The following LIMK2 variants were observed in gnomAD, a reference collection of about 807,000 sequenced individuals.
LIMK2 encodes the protein LIM domain kinase 2.
LIMK2 carries 35 observed loss-of-function variants against 75.7 expected under a neutral mutation model. The observed-to-expected ratio is 0.46, with a 90% CI of 0.35 to 0.61. The LOEUF (loss-of-function observed/expected upper bound fraction) is 0.61. Ranked by LOEUF, LIMK2 falls within the 20% of genes least tolerant of loss-of-function variation. LIMK2 has a pLI of 0.00. For missense variants in LIMK2, 623 were observed against 831.0 expected (o/e 0.75, Z 3.08); for synonymous variants, 301 against 319.2 (o/e 0.94, Z 0.61).
At chr22:31,223,455 TA>T (rs2048453433) in intron 1 of LIMK2, among the ~76,000 whole-genome samples, 2 of 152,142 alleles carry the variant, frequency 1.3e-5, no homozygotes, top group Admixed American at 1.3e-4. Context: ...AATTTTGGGT[TA>T]AAAAGTAAAA....
intron 1 of LIMK2, among the ~76,000 whole-genome samples, chr22:31,222,200 A>C (rs1433931738): frequency 6.6e-6 from 1 of 151,134 alleles, no homozygotes; most frequent in African/African-American, 2.4e-5. Flanking sequence ...CCTCCTGAGT[A>C]GCTGGGATTA....
intron 3 of LIMK2, chr22:31,258,724 A>G: frequency 2.4e-6 from 1 of 412,592 alleles, no homozygotes; most frequent in Non-Finnish European, 4.4e-6. Context: ...AGAGGAGGAT[A>G]TACTTAGGTT....
rs78993450 is a variant in LIMK2 at position 31,241,417 on chromosome 22, T to C, written c.116+15598T>C. Among the ~76,000 whole-genome samples the C allele has an allele frequency of 5.6e-3, 860 of 152,330 alleles. 5 individuals carry two copies. Among genetic ancestry groups the C allele is most frequent in the Non-Finnish European group, 9.8e-3 (666 of 68,024 alleles). ...CTGGTCACCTCCTGCTGTACTCCAT[T>C]GATGACTCACCACATAAGGCTCCCT... On this transcript the variant is annotated intron_variant, in intron 2 of 15. Coordinates refer to ENST00000331728, the MANE Select transcript of LIMK2 (RefSeq NM_005569.4).
intron 2 of LIMK2, among the ~76,000 whole-genome samples, chr22:31,244,198 C>G (rs1424054081): frequency 6.6e-6 from 1 of 152,232 alleles, no homozygotes; most frequent in Non-Finnish European, 1.5e-5. Flanking sequence ...GCCGCTGGAA[C>G]AGCAGAGCTG....
intron 1 of LIMK2, among the ~76,000 whole-genome samples, chr22:31,216,810 AC>A (rs1345136275): frequency 6.6e-6 from 1 of 152,098 alleles, no homozygotes; most frequent in African/African-American, 2.4e-5. Context: ...TGTTAGTGTA[AC>A]CTTGAGCGGG....
chr22:31,275,984 C>T (rs1188892126), intron 15 of LIMK2, among the ~76,000 whole-genome samples: 1 of 152,118 alleles, frequency 6.6e-6, no homozygotes, highest in Non-Finnish European at 1.5e-5. Context: ...ACCTGTAATC[C>T]CAGCACTTTG....
rs776354092 is a variant in LIMK2 at position 31,262,816 on chromosome 22, T to G, written c.854+25T>G. The G allele has an allele frequency of 5.2e-6, 8 of 1,542,600 alleles. No individual in the cohort carries two copies. Among genetic ancestry groups the G allele is most frequent in the Non-Finnish European group, 7.0e-6 (8 of 1,139,266 alleles). On this transcript the variant is annotated intron_variant, in intron 7 of 15. Transcript: ENST00000331728. This position sits in a 1 kb window ranked among gnomAD's most constrained non-coding sequence, Gnocchi z 5.0. ...GGTGCCACCTCCCACCCTGGCTCTG[T>G]TCTGTCCTATGTCTGTCTCTCGGAT...
intron 1 of LIMK2, among the ~76,000 whole-genome samples, chr22:31,222,362 T>C (rs1410480063): frequency 1.4e-5 from 2 of 139,304 alleles, no homozygotes; most frequent in Admixed American, 1.5e-4. Flanking sequence ...TGAGCCACCG[T>C]GCCCAGCCTC....
At position 31,267,808 on chromosome 22, in the gene LIMK2, T is replaced by C; in HGVS notation, c.1161T>C (p.Asn387=). ...TGATGCGCAGCCTGGACCACCCCAA[T>C]GTGCTCAAGTTCATTGGTGTGCTGT... ...VKVMRSLDHP[N]VLKFIGVLYK... is the part of the protein sequence containing the mutation. The change falls in exon 10 of 16, where the codon AAT becomes AAC. Residue 387 remains asparagine (N), a synonymous_variant. Transcript: ENST00000331728. The C allele has an allele frequency of 6.2e-7, 1 of 1,611,230 alleles. No homozygotes were observed. The highest frequency in any genetic ancestry group is 1.1e-5 in the South Asian group (1 of 90,632).
intron 7 of LIMK2, 36 bp from the exon 8 acceptor site, chr22:31,265,909 AC>A (rs1400998190): frequency 6.3e-7 from 1 of 1,592,850 alleles, no homozygotes; most frequent in South Asian, 1.1e-5. Context: ...GTCTCTGAGG[AC>A]TACACATCCC....
chr22:31,263,093 A>G (rs572619521), intron 7 of LIMK2, among the ~76,000 whole-genome samples: 3 of 152,368 alleles, frequency 2.0e-5, no homozygotes, highest in African/African-American at 7.2e-5. Context: ...TGGAGAAAGC[A>G]TGGAGCTCAG....
Position 31,262,531 on chromosome 22 carries a change from G to A in LIMK2, c.658-64G>A. The A allele has an allele frequency of 6.7e-7, 1 of 1,483,470 alleles. No individual in the cohort carries two copies. Among genetic ancestry groups the A allele is most frequent in the South Asian group, 1.2e-5 (1 of 80,620 alleles). 91.9% of individuals were successfully genotyped at this position (1,483,470 alleles called of 1,614,324 possible). A position where few individuals can be genotyped will look rare whatever the true frequency, so the allele number is the denominator to read the frequency against. On this transcript the variant is annotated intron_variant, in intron 6 of 15. Coordinates refer to ENST00000331728, the MANE Select transcript of LIMK2 (RefSeq NM_005569.4). The surrounding 1 kb of genome is among the most constrained non-coding windows in gnomAD (Gnocchi z 5.0). The stretch of plus-strand genomic sequence containing the variant: ...GGCCACACTGTGCCTGAGTCATCTG[G>A]GTTGGCCATGGGTGGCCTGGGATGG...
At chr22:31,214,371 A>G (rs2048372882) in intron 1 of LIMK2, among the ~76,000 whole-genome samples, 1 of 152,238 alleles carries the variant, frequency 6.6e-6, no homozygotes. Flanking sequence ...CTAGAGATGG[A>G]CAATAAATAA....
chr22:31,234,340 A>C (rs1293606531), intron 2 of LIMK2, among the ~76,000 whole-genome samples: 4 of 148,738 alleles, frequency 2.7e-5, no homozygotes, highest in East Asian at 2.0e-4. Flanking sequence ...AAAAAAAAAA[A>C]CAAAAAAAAA....
chr22:31,236,872 A>C (rs1461142801), intron 2 of LIMK2, among the ~76,000 whole-genome samples: 1 of 150,470 alleles, frequency 6.6e-6, no homozygotes, highest in African/African-American at 2.4e-5. Flanking sequence ...GGCCAACATC[A>C]TGTCACTGCA....
intron 2 of LIMK2, among the ~76,000 whole-genome samples, chr22:31,232,521 C>T (rs1013271142): frequency 1.3e-5 from 2 of 152,148 alleles, no homozygotes; most frequent in African/African-American, 2.4e-5. Flanking sequence ...ATATATCAAG[C>T]GTCATTTGCT....
Position 31,269,286 on chromosome 22 carries a change from CTTTTTTT to C in LIMK2, c.1317+1101_1317+1107del, listed in dbSNP as rs796361643. Reference sequence around the variant, plus strand: ...CACCTAATTTTTTGAATTTTTTTTTCTTTTTTTTTTTTTTTTTTTTTGGTAGAGACAG... The same window carrying C: ...CACCTAATTTTTTGAATTTTTTTTTCTTTTTTTTTTTTTTGGTAGAGACAG... On this transcript the variant is annotated intron_variant, in intron 11 of 15. Coordinates refer to ENST00000331728, the MANE Select transcript of LIMK2 (RefSeq NM_005569.4). Among the ~76,000 whole-genome samples, 185 of 95,480 alleles carry C rather than the reference CTTTTTTT, an allele frequency of 1.9e-3. 1 individual carries two copies. Among genetic ancestry groups the C allele is most frequent in the Admixed American group, 4.7e-3 (44 of 9,440 alleles). The allele number at this position is 95,480 out of a possible 152,430, so 62.6% of individuals were successfully genotyped here. A position where few individuals can be genotyped will look rare whatever the true frequency, so the allele number is the denominator to read the frequency against.
intron 2 of LIMK2, among the ~76,000 whole-genome samples, chr22:31,242,216 A>G (rs1030560450): frequency 4.6e-5 from 7 of 152,240 alleles, no homozygotes; most frequent in Admixed American, 4.6e-4. Context: ...CTAACTAGTC[A>G]CTACTATTTC....
At chr22:31,255,822 T>C (rs550432178) in intron 2 of LIMK2, among the ~76,000 whole-genome samples, 1 of 152,180 alleles carries the variant, frequency 6.6e-6, no homozygotes, top group Admixed American at 6.5e-5. Flanking sequence ...TGGCTCTTTG[T>C]AGTAATAGGA....
Sources: gnomAD v4.1 joint callset for allele counts (sites outside exome capture counted in the v4.1 genomes callset) on GRCh38, gnomAD v4.1.1 for gene constraint, Gnocchi (gnomAD v3.1) non-coding constraint, MANE v1.5 for transcripts, NCBI Gene and HGNC (gene_info 2026-07-23, HGNC 2026-07-21) for gene names.